The following MMP26 variants were observed in gnomAD, a reference collection of about 807,000 sequenced individuals.
The protein encoded by MMP26 is matrix metallopeptidase 26, also known as matrix metalloproteinase-26.
Under a neutral mutation model 31.0 loss-of-function variants are expected in MMP26, and 33 were observed. The ratio of observed to expected loss-of-function variants is 1.06; its 90% CI spans 0.81 to 1.42. The LOEUF is 1.42. Ranked by LOEUF, MMP26 falls within the 40% of genes most tolerant of loss-of-function variation. The pLI is 0.00. For missense variants in MMP26, 347 were observed against 316.1 expected, an observed-to-expected ratio of 1.10 and a Z score of -0.74; for synonymous variants, 122 against 114.9, an observed-to-expected ratio of 1.06 and a Z score of -0.40.
At chr11:4,868,162 C>A (rs1423324598) in intron 2 of MMP26, among the ~76,000 whole-genome samples, 1 of 152,116 alleles carries the variant, frequency 6.6e-6, no homozygotes. Context: ...ACAAATACCA[C>A]TTGTTCTTAC....
In MMP26 at chr11:4,967,921, G is replaced by A. The variant is rs570985627; in HGVS notation, c.-144-20147G>A. ...AACTTACATATTGCTTGAGAGAAAA[G>A]GGAAAGGGGATTCTTTTATTCAGAA... On this transcript the variant is annotated intron_variant, in intron 2 of 7. Transcript: ENST00000380390. 9.2e-5 allele frequency among the ~76,000 whole-genome samples: 14 copies of A among 152,228 alleles called. No individual in the cohort carries two copies. In the East Asian group the frequency reaches 2.5e-3, roughly 27 times the overall value.
At chr11:4,888,434 A>G (rs938261947) in intron 2 of MMP26, among the ~76,000 whole-genome samples, 2 of 152,164 alleles carry the variant, frequency 1.3e-5, no homozygotes, top group Non-Finnish European at 1.5e-5. Flanking sequence ...TGAAATCGAA[A>G]CACTAGATAG....
chr11:4,803,446 C>T, intron 2 of MMP26: 1 of 1,603,724 alleles, frequency 6.2e-7, no homozygotes, highest in Non-Finnish European at 8.5e-7. Flanking sequence ...GGGGATGTTT[C>T]CACAACATCC....
At chr11:4,930,613 C>T (rs1485641650) in intron 2 of MMP26, among the ~76,000 whole-genome samples, 2 of 152,152 alleles carry the variant, frequency 1.3e-5, no homozygotes, top group East Asian at 3.9e-4. Flanking sequence ...TTGCTCAAAA[C>T]AAAATAGACG....
intron 2 of MMP26, among the ~76,000 whole-genome samples, chr11:4,808,512 T>A (rs1425336197): frequency 6.6e-6 from 1 of 152,126 alleles, no homozygotes; most frequent in Non-Finnish European, 1.5e-5. Context: ...TAATGTATTC[T>A]GCCCATGAGC....
chr11:4,880,574 T>C lies in MMP26; in HGVS notation c.-144-107494T>C, dbSNP rs566792993. The stretch of plus-strand genomic sequence containing the variant: ...TTGGTAATCAATCAATGTTGCTAAA[T>C]GAAGATTTCTGTTTTTCCTGATCCT... On this transcript the variant is annotated intron_variant, in intron 2 of 7. Coordinates refer to ENST00000380390, the MANE Select transcript of MMP26 (RefSeq NM_021801.5). Among the ~76,000 whole-genome samples, 418 of 152,270 alleles carry C rather than the reference T, an allele frequency of 2.7e-3. 1 individual carries two copies. The highest frequency in any genetic ancestry group is 4.2e-3 in the Non-Finnish European group (284 of 68,014).
At chr11:4,757,760 T>C (rs1207850273) in intron 1 of MMP26, among the ~76,000 whole-genome samples, 4 of 145,442 alleles carry the variant, frequency 2.8e-5, no homozygotes, top group African/African-American at 1.0e-4. Flanking sequence ...AATACCTTTA[T>C]CCACCCACTA....
intron 1 of MMP26, among the ~76,000 whole-genome samples, chr11:4,734,543 G>C (rs187559715): frequency 6.6e-6 from 1 of 151,928 alleles, no homozygotes; most frequent in African/African-American, 2.4e-5. Context: ...TATTTAAAGC[G>C]GTGTTTAGCT....
In MMP26 at chr11:4,991,027, A is replaced by G. The variant is rs1973075; in HGVS notation, c.469+281A>G. Among the ~76,000 whole-genome samples the G allele has an allele frequency of 3.2e-3, 488 of 152,302 alleles. 2 individuals are homozygous for G. The highest frequency in any genetic ancestry group is 9.3e-3 in the African/African-American group (388 of 41,558). ...TAGCTCCGAAATCTATTGAAATGCTATTCAAAGTTGAACCAACTTACTTAT... is the reference window on the plus strand; with the variant it reads ...TAGCTCCGAAATCTATTGAAATGCTGTTCAAAGTTGAACCAACTTACTTAT... On this transcript the variant is annotated intron_variant, in intron 5 of 7. Transcript: ENST00000380390.
intron 1 of MMP26, among the ~76,000 whole-genome samples, chr11:4,755,726 A>G (rs1205689673): frequency 1.3e-5 from 2 of 152,058 alleles, no homozygotes; most frequent in Non-Finnish European, 2.9e-5. Context: ...TAGAAACTGG[A>G]AATTATACCA....
intron 2 of MMP26, among the ~76,000 whole-genome samples, chr11:4,925,125 T>C (rs957178880): frequency 2.0e-5 from 3 of 152,216 alleles, no homozygotes; most frequent in African/African-American, 4.8e-5. Context: ...CAGTTCTATC[T>C]TGTAAGTTCT....
intron 2 of MMP26, among the ~76,000 whole-genome samples, chr11:4,815,317 T>C (rs917996945): frequency 1.3e-5 from 2 of 152,188 alleles, no homozygotes; most frequent in Non-Finnish European, 2.9e-5. Context: ...AGCTATCAAT[T>C]TTCATTGCCA....
chr11:4,798,179 A>G (rs1400326860), intron 2 of MMP26, among the ~76,000 whole-genome samples: 1 of 152,258 alleles, frequency 6.6e-6, no homozygotes, highest in Non-Finnish European at 1.5e-5. Flanking sequence ...CTGACAGTCC[A>G]GATTCATCAG....
chr11:4,983,899 T>C (rs1028698685), intron 2 of MMP26, among the ~76,000 whole-genome samples: 2 of 152,228 alleles, frequency 1.3e-5, no homozygotes, highest in African/African-American at 4.8e-5. Flanking sequence ...TTTATTAATA[T>C]CCACAGGCGA....
chr11:4,838,314 C>T (rs80339912), intron 2 of MMP26, among the ~76,000 whole-genome samples: 1 of 31,334 alleles, frequency 3.2e-5, no homozygotes, highest in African/African-American at 9.6e-5. Context: ...AAGACTCTGT[C>T]TAAAAAAAAA....
At chr11:4,738,441 A>G (rs937083823) in intron 1 of MMP26, among the ~76,000 whole-genome samples, 3 of 152,202 alleles carry the variant, frequency 2.0e-5, no homozygotes, top group African/African-American at 7.2e-5. Flanking sequence ...CATCAACCAG[A>G]AAAGTGAAGT....
At position 4,934,521 on chromosome 11, in the gene MMP26, A is replaced by G. The variant is rs1851404188; in HGVS notation, c.-144-53547A>G. 1.4e-5 allele frequency among the ~76,000 whole-genome samples: 2 copies of G among 141,728 alleles called. 1 individual carries two copies. Among genetic ancestry groups the G allele is most frequent in the Non-Finnish European group, 3.1e-5 (2 of 65,134 alleles). The allele number at this position is 141,728 out of a possible 152,430, so 93.0% of individuals were successfully genotyped here. A position where few individuals can be genotyped will look rare whatever the true frequency, so the allele number is the denominator to read the frequency against. ...TTGCAAAAATTTTCTCCCATGTTGT[A>G]GGTTGCCTGTTCACTCTGATGGTAG... On this transcript the variant is annotated intron_variant, in intron 2 of 7. Transcript: ENST00000380390.
At chr11:4,876,224 C>A (rs1396205385) in intron 2 of MMP26, 1 of 152,120 alleles carries the variant, frequency 6.6e-6, no homozygotes, top group African/African-American at 2.4e-5. Flanking sequence ...ATGTCAAATT[C>A]TTCCCTAGTA....
intron 2 of MMP26, among the ~76,000 whole-genome samples, chr11:4,805,383 G>A (rs1849253213): frequency 6.6e-6 from 1 of 152,134 alleles, no homozygotes; most frequent in Non-Finnish European, 1.5e-5. Flanking sequence ...AGAAATTGTG[G>A]CCTATACTGT....
Sources: allele counts gnomAD v4.1 joint callset (sites outside exome capture counted in the v4.1 genomes callset), GRCh38; gene constraint gnomAD v4.1.1; transcripts MANE v1.5; gene names NCBI Gene and HGNC (gene_info 2026-07-23, HGNC 2026-07-21).